The following DLGAP2 variants were observed in gnomAD, a reference collection of about 807,000 sequenced individuals.
DLGAP2 encodes the protein DLG associated protein 2.
Under a neutral mutation model 100.3 loss-of-function variants are expected in DLGAP2, and 26 were observed. The observed-to-expected ratio is 0.26, with a 90% confidence interval of 0.19 to 0.36. DLGAP2 has a LOEUF of 0.36. Among genes scored for constraint, DLGAP2 ranks in the 10% least tolerant of loss-of-function variants. The probability of loss-of-function intolerance (pLI) is 1.00; values close to 1 mark genes in which losing one functional copy is unlikely to be tolerated. For missense variants in DLGAP2, 1,858 were observed against 1,453.2 expected (o/e 1.28, Z -4.53); for synonymous variants, 886 against 630.1 (o/e 1.41, Z -6.08).
chr8:1,691,363 T>A (rs995351442), intron 12 of DLGAP2, among the ~76,000 whole-genome samples, 172 bp from the exon 13 acceptor site: 1 of 152,156 alleles, frequency 6.6e-6, no homozygotes, highest in Admixed American at 6.5e-5. Flanking sequence ...CCTTCATGAG[T>A]TGGGGACGAG....
chr8:1,623,278 G>T lies in DLGAP2; in HGVS notation c.1443-3462G>T, dbSNP rs564063778. Among the ~76,000 whole-genome samples, 3 of 152,170 alleles carry T rather than the reference G, an allele frequency of 2.0e-5. No individual in the cohort carries two copies. The East Asian group carries it at 5.8e-4, about 29-fold the overall frequency. On this transcript the variant is annotated intron_variant, in intron 6 of 14. Transcript: ENST00000637795. Reference sequence around the variant, plus strand: ...CCACCTGGACTCAGAAGGGAGTGCTGCCCCCATCCCGCCCAAGCCTGAGTG... The same window carrying T: ...CCACCTGGACTCAGAAGGGAGTGCTTCCCCCATCCCGCCCAAGCCTGAGTG...
At chr8:1,307,652 G>T (rs927707798) in intron 3 of DLGAP2, among the ~76,000 whole-genome samples, 5 of 152,148 alleles carry the variant, frequency 3.3e-5, no homozygotes, top group Non-Finnish European at 7.4e-5. Flanking sequence ...TAAGCAAAAT[G>T]GGGCCTAGAC....
intron 2 of DLGAP2, among the ~76,000 whole-genome samples, chr8:952,755 A>G (rs1352908034): frequency 1.3e-5 from 2 of 152,232 alleles, no homozygotes; most frequent in Non-Finnish European, 2.9e-5. Context: ...GATGAGTAGC[A>G]TTATTTTATG....
intron 2 of DLGAP2, among the ~76,000 whole-genome samples, chr8:1,141,488 A>T (rs559164803): frequency 5.9e-5 from 9 of 152,332 alleles, no homozygotes; most frequent in African/African-American, 2.2e-4. Context: ...TTATTAAAAA[A>T]AGAAAAATGT....
At chr8:902,403 G>A in intron 1 of DLGAP2, among the ~76,000 whole-genome samples, 2 of 150,626 alleles carry the variant, frequency 1.3e-5, no homozygotes, top group Non-Finnish European at 3.0e-5. Flanking sequence ...CATGGAAGGA[G>A]TCACGGTGTG....
chr8:1,691,788 G>A (rs1340158474), intron 13 of DLGAP2, among the ~76,000 whole-genome samples, 162 bp downstream of exon 13: 3 of 152,088 alleles, frequency 2.0e-5, no homozygotes, highest in Admixed American at 6.5e-5. Context: ...GGAAAGAGAC[G>A]ATTCGGCCCT....
At chr8:1,587,934 C>T (rs1420097541) in intron 6 of DLGAP2, among the ~76,000 whole-genome samples, 5 of 152,182 alleles carry the variant, frequency 3.3e-5, no homozygotes, top group Non-Finnish European at 1.5e-5. Context: ...ACTAGCTCTT[C>T]ACTATACCAA....
At chr8:895,681 G>A (rs79915014) in intron 1 of DLGAP2, among the ~76,000 whole-genome samples, 12,227 of 152,280 alleles carry the variant, frequency 0.08, 655 homozygotes, top group Admixed American at 0.14. Context: ...CCTTTCGGTG[G>A]TGGTGTGAAG....
At chr8:1,288,921 TA>T (rs888613654) in intron 3 of DLGAP2, among the ~76,000 whole-genome samples, 1 of 152,188 alleles carries the variant, frequency 6.6e-6, no homozygotes. Context: ...TAGAAAATTG[TA>T]TAAGATTTTT....
rs988091873 is a variant in DLGAP2 at position 1,594,925 on chromosome 8, G to T, written c.1442+29031G>T. On this transcript the variant is annotated intron_variant, in intron 6 of 14. Transcript: ENST00000637795. Reference sequence around the variant, plus strand: ...TCTGACTTCTTCCTGCCACTCACTGGGGTCTCCAGCTGTCAGCAGGACCAT... The same window carrying T: ...TCTGACTTCTTCCTGCCACTCACTGTGGTCTCCAGCTGTCAGCAGGACCAT... Among the ~76,000 whole-genome samples the T allele has an allele frequency of 2.0e-5, 3 of 152,002 alleles. No homozygotes were observed. In the East Asian group the frequency reaches 5.8e-4, roughly 29 times the overall value.
chr8:1,189,281 G>A (rs533431070), intron 2 of DLGAP2, among the ~76,000 whole-genome samples: 3 of 152,204 alleles, frequency 2.0e-5, no homozygotes, highest in Admixed American at 6.5e-5. Context: ...AGTCACTGTC[G>A]CTCAGTGTCA....
At chr8:1,275,715 C>CATAT (rs34634474) in intron 3 of DLGAP2, among the ~76,000 whole-genome samples, 4,253 of 128,192 alleles carry the variant, frequency 0.033, 239 homozygotes, top group African/African-American at 0.12. Flanking sequence ...GCTAATAGGA[C>CATAT]ATATATATAT....
chr8:1,599,551 G>A (rs1474978381), intron 6 of DLGAP2, among the ~76,000 whole-genome samples: 1 of 152,030 alleles, frequency 6.6e-6, no homozygotes, highest in Admixed American at 6.6e-5. Context: ...TCCTGTATTG[G>A]GTGCTCCTGT....
chr8:1,697,721 T>C (rs181790577), intron 14 of DLGAP2, among the ~76,000 whole-genome samples: 143 of 152,358 alleles, frequency 9.4e-4, no homozygotes, highest in African/African-American at 3.3e-3. Context: ...ATGGACTATC[T>C]CCTATTCAAT....
At chr8:774,608 C>G (rs1821460067) in intron 1 of DLGAP2, among the ~76,000 whole-genome samples, 1 of 150,346 alleles carries the variant, frequency 6.7e-6, no homozygotes, top group Non-Finnish European at 1.5e-5. Context: ...AATAGGGAAT[C>G]CTTTCCCCAT....
intron 6 of DLGAP2, among the ~76,000 whole-genome samples, chr8:1,616,462 A>G (rs750538967): frequency 2.0e-4 from 30 of 152,218 alleles, no homozygotes; most frequent in Non-Finnish European, 3.7e-4. Context: ...AAACTGTGGA[A>G]AACCAGAGAG....
In DLGAP2 at chr8:771,364, A is replaced by G. The variant is rs962655432; in HGVS notation, c.18+33539A>G. Among the ~76,000 whole-genome samples, 4 of 152,236 alleles carry G rather than the reference A, an allele frequency of 2.6e-5. No homozygotes were observed. In the South Asian group the frequency reaches 6.2e-4, roughly 24 times the overall value. ...AGATTTAAATACGTTTCATAGAGTT[A>G]TTAGGTAGATCTCCCTTATTAAGTA... On this transcript the variant is annotated intron_variant, in intron 1 of 14. Coordinates refer to ENST00000637795, the MANE Select transcript of DLGAP2 (RefSeq NM_001346810.2).
At chr8:1,537,728 T>TGGAAGGAAGGAAGGAAGGAA (rs10523091) in intron 4 of DLGAP2, among the ~76,000 whole-genome samples, 14 of 136,564 alleles carry the variant, frequency 1.0e-4, no homozygotes, top group Non-Finnish European at 1.7e-4. Context: ...GATGAAAGGA[T>TGGAAGGAAGGAAGGAAGGAA]GGAAGGAAGG....
chr8:972,517 A>T (rs992394746), intron 2 of DLGAP2, among the ~76,000 whole-genome samples: 1 of 152,270 alleles, frequency 6.6e-6, no homozygotes, highest in Non-Finnish European at 1.5e-5. Flanking sequence ...TTGATGGTCT[A>T]ATCATTAGAC....
Sources: gnomAD v4.1 joint callset for allele counts (sites outside exome capture counted in the v4.1 genomes callset) on GRCh38, gnomAD v4.1.1 for gene constraint, MANE v1.5 for transcripts, NCBI Gene and HGNC (gene_info 2026-07-23, HGNC 2026-07-21) for gene names.